Variants in ADGRL3 observed in about 807,000 individuals in gnomAD.
The protein encoded by ADGRL3 is adhesion G protein-coupled receptor L3, also known as calcium-independent alpha-latrotoxin receptor 3.
A neutral mutation model predicts 153.5 loss-of-function variants in ADGRL3; 62 were observed. The ratio of observed to expected loss-of-function variants is 0.40; its 90% CI spans 0.33 to 0.50. The LOEUF (loss-of-function observed/expected upper bound fraction) is 0.50, where lower values mean the gene tolerates loss of function less well. Among genes scored for constraint, ADGRL3 ranks in the 20% least tolerant of loss-of-function variants. ADGRL3 has a pLI of 0.47. For missense variants in ADGRL3, 1,641 were observed against 1,859.4 expected (o/e 0.88, Z 2.16); for synonymous variants, 710 against 672.5 (o/e 1.06, Z -0.86).
At chr4:61,759,684 C>T (rs1009517622) in intron 8 of ADGRL3, among the ~76,000 whole-genome samples, 22 of 152,200 alleles carry the variant, frequency 1.4e-4, no homozygotes, top group African/African-American at 5.3e-4. Context: ...CAAAGCCATT[C>T]TCCGTCCAGC....
At chr4:61,781,108 C>T (rs1166179208) in intron 8 of ADGRL3, among the ~76,000 whole-genome samples, 2 of 151,970 alleles carry the variant, frequency 1.3e-5, no homozygotes, top group Non-Finnish European at 2.9e-5. Flanking sequence ...GGGTGGATCA[C>T]CTGAGGTCAG....
At chr4:61,214,148 A>G (rs1463052792) in intron 1 of ADGRL3, among the ~76,000 whole-genome samples, 1 of 152,180 alleles carries the variant, frequency 6.6e-6, no homozygotes, top group Non-Finnish European at 1.5e-5. Context: ...ACATACACCA[A>G]TATATAAAAG....
At chr4:61,483,741 A>T (rs1233652545) in intron 2 of ADGRL3, among the ~76,000 whole-genome samples, 1 of 151,056 alleles carries the variant, frequency 6.6e-6, no homozygotes, top group Non-Finnish European at 1.5e-5. Context: ...CTGTCAAAAA[A>T]ATAAATAAAT....
At chr4:61,670,723 TC>T (rs2094961524) in intron 5 of ADGRL3, among the ~76,000 whole-genome samples, 1 of 151,802 alleles carries the variant, frequency 6.6e-6, no homozygotes, top group Non-Finnish European at 1.5e-5. Flanking sequence ...AGAAAAAGAG[TC>T]TTCTGTAGGT....
intron 8 of ADGRL3, among the ~76,000 whole-genome samples, chr4:61,762,220 C>T (rs746556512): frequency 1.1e-4 from 17 of 152,026 alleles, no homozygotes; most frequent in Admixed American, 2.0e-4. Context: ...ACAGAAAGAA[C>T]ATTGACAAAT....
chr4:61,877,488 A>G (rs141171845), intron 9 of ADGRL3, among the ~76,000 whole-genome samples: 14 of 152,158 alleles, frequency 9.2e-5, no homozygotes, highest in African/African-American at 2.9e-4. Context: ...GGTTATACAA[A>G]TCTGTACATG....
chr4:61,870,475 A>G (rs1432677003), intron 9 of ADGRL3, among the ~76,000 whole-genome samples: 1 of 152,208 alleles, frequency 6.6e-6, no homozygotes, highest in East Asian at 1.9e-4. Context: ...AAAATGAAAA[A>G]CAATTGTGCT....
chr4:61,897,339 TAAA>T (rs935008352), intron 11 of ADGRL3, among the ~76,000 whole-genome samples: 13 of 152,212 alleles, frequency 8.5e-5, no homozygotes, highest in African/African-American at 2.9e-4. Flanking sequence ...TATAAAATCT[TAAA>T]AAGTGTAACA....
chr4:61,634,273 A>G (rs1438701040), intron 5 of ADGRL3, among the ~76,000 whole-genome samples: 1 of 152,182 alleles, frequency 6.6e-6, no homozygotes, highest in African/African-American at 2.4e-5. Context: ...GGGCACAAAA[A>G]TGAAGCAAGT....
At chr4:61,680,043 A>G (rs1475122717) in intron 6 of ADGRL3, among the ~76,000 whole-genome samples, 1 of 152,000 alleles carries the variant, frequency 6.6e-6, no homozygotes, top group East Asian at 1.9e-4. Flanking sequence ...TGAAGTAACT[A>G]GTTTGTACCA....
intron 2 of ADGRL3, among the ~76,000 whole-genome samples, chr4:61,392,863 C>T (rs1174943434): frequency 1.3e-5 from 2 of 151,152 alleles, no homozygotes; most frequent in Admixed American, 1.3e-4. Flanking sequence ...ATGAATCTGG[C>T]ATTGGATATT....
chr4:61,629,156 T>C (rs2093004742), intron 5 of ADGRL3, among the ~76,000 whole-genome samples: 1 of 152,178 alleles, frequency 6.6e-6, no homozygotes, highest in Non-Finnish European at 1.5e-5. Flanking sequence ...CGCTTAAAAG[T>C]ACTATGGAGA....
At chr4:62,040,497 A>G (rs553071820) in intron 24 of ADGRL3, among the ~76,000 whole-genome samples, 1 of 152,034 alleles carries the variant, frequency 6.6e-6, no homozygotes, top group Non-Finnish European at 1.5e-5. Context: ...CCATAAGCAA[A>G]TGCTAAAATA....
chr4:61,756,183 G>A (rs530270484), intron 8 of ADGRL3, among the ~76,000 whole-genome samples: 88 of 152,282 alleles, frequency 5.8e-4, no homozygotes, highest in African/African-American at 1.6e-3. Flanking sequence ...GATGGGGATG[G>A]CGTTGAATCT....
At chr4:62,056,467 T>G (rs549363306) in intron 25 of ADGRL3, among the ~76,000 whole-genome samples, 1 of 152,144 alleles carries the variant, frequency 6.6e-6, no homozygotes, top group African/African-American at 2.4e-5. Context: ...CAATTTAGTG[T>G]ACAAACATAT....
At chr4:61,612,512 A>C (rs7666147) in intron 5 of ADGRL3, among the ~76,000 whole-genome samples, 142,197 of 152,232 alleles carry the variant, frequency 0.93, 66,683 homozygotes, top group Middle Eastern at 0.99. Flanking sequence ...ACTAGTTTCT[A>C]AAGAGTTCAC....
intron 13 of ADGRL3, among the ~76,000 whole-genome samples, chr4:61,914,262 G>A (rs1192489227): frequency 6.6e-6 from 1 of 152,052 alleles, no homozygotes; most frequent in Non-Finnish European, 1.5e-5. Flanking sequence ...GGCCAAACGT[G>A]TCTATTACGA....
intron 2 of ADGRL3, among the ~76,000 whole-genome samples, chr4:61,399,771 T>C (rs1009769979): frequency 9.2e-5 from 14 of 151,720 alleles, no homozygotes; most frequent in South Asian, 2.1e-4. Context: ...ATTTAAAATC[T>C]TCCCTCTTGC....
chr4:61,772,845 A>G (rs890139819), intron 8 of ADGRL3, among the ~76,000 whole-genome samples: 1 of 152,120 alleles, frequency 6.6e-6, no homozygotes. Flanking sequence ...GCTCTGTATT[A>G]TGGGGTAGTG....
Sources: allele counts gnomAD v4.1 joint callset (sites outside exome capture counted in the v4.1 genomes callset), GRCh38; gene constraint gnomAD v4.1.1; transcripts MANE v1.5; gene names NCBI Gene and HGNC (gene_info 2026-07-23, HGNC 2026-07-21).